EPC2: variants seen among roughly 807,000 people sequenced by gnomAD.
EPC2 encodes the protein enhancer of polycomb 2.
In EPC2, 14 loss-of-function variants were observed where a neutral mutation model predicts 92.1. That is an observed-to-expected ratio of 0.15 (90% CI 0.10 to 0.24). The LOEUF (loss-of-function observed/expected upper bound fraction) is 0.24, where lower values mean the gene tolerates loss of function less well. EPC2 is among the 10% of genes least tolerant of loss of function. EPC2 has a pLI of 1.00. For missense variants in EPC2, 755 were observed against 971.5 expected (o/e 0.78, Z 2.96); for synonymous variants, 340 against 334.7 (o/e 1.02, Z -0.17).
At chr2:148,784,551 A>G (rs994369290) in intron 12 of EPC2, 117 bp from the exon 13 acceptor site, 27 of 785,762 alleles carry the variant, frequency 3.4e-5, no homozygotes, top group Non-Finnish European at 4.8e-5. Flanking sequence ...CCAGTGTGTG[A>G]AAAGTTAACT....
intron 2 of EPC2, among the ~76,000 whole-genome samples, chr2:148,738,126 C>T (rs1682804292): frequency 6.6e-6 from 1 of 151,884 alleles, no homozygotes; most frequent in African/African-American, 2.4e-5. Flanking sequence ...CCATTTGAAA[C>T]AACAACAACA....
At chr2:148,745,457 C>G (rs1682968954) in intron 3 of EPC2, among the ~76,000 whole-genome samples, 1 of 152,062 alleles carries the variant, frequency 6.6e-6, no homozygotes, top group South Asian at 2.1e-4. Context: ...TGCCCTTGTT[C>G]AGCGTATTAT....
intron 1 of EPC2, among the ~76,000 whole-genome samples, chr2:148,649,074 T>C (rs1680586557): frequency 6.6e-6 from 1 of 152,168 alleles, no homozygotes; most frequent in Admixed American, 6.5e-5. Context: ...TCCCCATGAG[T>C]GTTGTATAGT....
intron 4 of EPC2, 23 bp downstream of exon 4, chr2:148,754,156 T>G (rs1205765903): frequency 1.9e-6 from 3 of 1,545,816 alleles, no homozygotes; most frequent in African/African-American, 2.7e-5. Context: ...TTAGGTTTCA[T>G]TGAAGGTAGC....
intron 3 of EPC2, among the ~76,000 whole-genome samples, chr2:148,746,480 G>A (rs1375344448): frequency 6.6e-6 from 1 of 151,958 alleles, no homozygotes; most frequent in Admixed American, 6.6e-5. Flanking sequence ...TGAAGGAAAG[G>A]GATTTGACAA....
At chr2:148,785,232 T>TAG (rs201660966) in intron 13 of EPC2, among the ~76,000 whole-genome samples, 210 of 149,998 alleles carry the variant, frequency 1.4e-3, no homozygotes, top group East Asian at 3.3e-3. Context: ...AGAGTAGTAG[T>TAG]AGAGAGAGAG....
chr2:148,783,271 A>T (rs528561721), intron 11 of EPC2, among the ~76,000 whole-genome samples: 4 of 152,206 alleles, frequency 2.6e-5, no homozygotes, highest in Non-Finnish European at 5.9e-5. Context: ...TCTATTAATC[A>T]TCTCTATGAT....
chr2:148,703,787 C>A (rs1681934947), intron 2 of EPC2, among the ~76,000 whole-genome samples: 4 of 152,068 alleles, frequency 2.6e-5, no homozygotes, highest in Admixed American at 2.6e-4. Context: ...TGCCTTGGAC[C>A]CCCAAAGTGT....
At chr2:148,693,947 C>T (rs1681690403) in intron 2 of EPC2, among the ~76,000 whole-genome samples, 1 of 152,076 alleles carries the variant, frequency 6.6e-6, no homozygotes, top group South Asian at 2.1e-4. Flanking sequence ...GATTGTTTGC[C>T]CTCTGTTGGG....
chr2:148,743,402 TA>T (rs1388966472), intron 2 of EPC2, among the ~76,000 whole-genome samples: 2 of 152,188 alleles, frequency 1.3e-5, no homozygotes, highest in African/African-American at 4.8e-5. Context: ...CAAAATAAGA[TA>T]TTTCTTAACG....
chr2:148,762,062 T>C (rs1683309718), intron 5 of EPC2, 132 bp downstream of exon 5: 5 of 735,876 alleles, frequency 6.8e-6, no homozygotes, highest in Non-Finnish European at 1.0e-5. Context: ...GAATTTATAT[T>C]TTTTAAAGAT....
chr2:148,706,664 C>G lies in EPC2; in HGVS notation c.313+16291C>G, dbSNP rs558936128. ...AGCGGATCTCTCGGCAGAAATCCTA[C>G]AAGCCAGAAGAGAGTGGGGGCCAAT... On this transcript the variant is annotated intron_variant, in intron 2 of 13. Transcript: ENST00000258484. Among the ~76,000 whole-genome samples the G allele has an allele frequency of 2.5e-4, 38 of 152,324 alleles. 1 individual carries two copies. The South Asian group carries it at 6.4e-3, about 26-fold the overall frequency.
chr2:148,776,073 G>C (rs974027552), intron 10 of EPC2, among the ~76,000 whole-genome samples: 9 of 151,980 alleles, frequency 5.9e-5, no homozygotes, highest in Non-Finnish European at 1.3e-4. Context: ...GAGCCACCGC[G>C]CCCGGCCAAT....
chr2:148,690,389 C>G lies in EPC2; in HGVS notation c.313+16C>G, dbSNP rs1224721241. Reference sequence around the variant, plus strand: ...CATATTCAGCGTAAGTTTGTTAATTCATTGTTTTCTGTTTGTACTTTAAAT... The same window carrying G: ...CATATTCAGCGTAAGTTTGTTAATTGATTGTTTTCTGTTTGTACTTTAAAT... On this transcript the variant is annotated intron_variant, in intron 2 of 13. Coordinates refer to ENST00000258484, the MANE Select transcript of EPC2 (RefSeq NM_015630.4). The G allele has an allele frequency of 3.2e-6, 5 of 1,561,552 alleles. 1 individual carries two copies. The highest frequency in any genetic ancestry group is 4.3e-6 in the Non-Finnish European group (5 of 1,158,618).
rs138194966 is a variant in EPC2, at chr2:148,688,041, TATA to T, written c.154-2168_154-2166del. ...TGGATCACTGCACTAATTCCTTTTGTATAATAACATTTCACATACCCTAAAGGC... is the reference window on the plus strand; with the variant it reads ...TGGATCACTGCACTAATTCCTTTTGTATAACATTTCACATACCCTAAAGGC... On this transcript the variant is annotated intron_variant, in intron 1 of 13. Transcript: ENST00000258484. 9.6e-3 allele frequency among the ~76,000 whole-genome samples: 1,468 copies of T among 152,292 alleles called. 21 individuals are homozygous for T. The highest frequency in any genetic ancestry group is 0.033 in the African/African-American group (1,377 of 41,536).
intron 1 of EPC2, among the ~76,000 whole-genome samples, chr2:148,663,193 T>TTTATTA (rs1559140910): frequency 2.6e-3 from 260 of 98,642 alleles, no homozygotes; most frequent in Admixed American, 5.0e-3. Flanking sequence ...ACTGTGTTTT[T>TTTATTA]GTATTATTAT....
At chr2:148,734,073 C>G (rs1193548182) in intron 2 of EPC2, among the ~76,000 whole-genome samples, 1 of 152,042 alleles carries the variant, frequency 6.6e-6, no homozygotes, top group Non-Finnish European at 1.5e-5. Flanking sequence ...GTCCCCATGC[C>G]TGGTTGTTTA....
intron 2 of EPC2, among the ~76,000 whole-genome samples, chr2:148,693,375 A>C (rs1273056228): frequency 6.6e-6 from 1 of 152,108 alleles, no homozygotes; most frequent in Non-Finnish European, 1.5e-5. Context: ...TATACCTTCC[A>C]ATCCATCATC....
intron 2 of EPC2, 107 bp downstream of exon 2, chr2:148,690,480 G>A (rs1422265666): frequency 1.0e-6 from 1 of 959,798 alleles, no homozygotes; most frequent in African/African-American, 1.6e-5. Context: ...CATACACACT[G>A]ATTAATAGAT....
Sources: allele counts gnomAD v4.1 joint callset (sites outside exome capture counted in the v4.1 genomes callset), GRCh38; gene constraint gnomAD v4.1.1; transcripts MANE v1.5; gene names NCBI Gene and HGNC (gene_info 2026-07-23, HGNC 2026-07-21).